FAT3: variants seen among roughly 807,000 people sequenced by gnomAD.
FAT3 encodes the protein protocadherin Fat 3.
In FAT3, 95 loss-of-function variants were observed where a neutral mutation model predicts 310.2. The observed-to-expected ratio is 0.31, with a 90% CI of 0.26 to 0.36. The LOEUF is 0.36. FAT3 is among the 10% of genes least tolerant of loss of function. The pLI is 1.00. For synonymous variants in FAT3, 2,314 were observed against 2,192.9 expected, an observed-to-expected ratio of 1.06 and a Z score of -1.54; for missense variants, 5,408 against 5,715.6, an observed-to-expected ratio of 0.95 and a Z score of 1.74.
At chr11:92,705,878 G>GTGGTGA (rs1944323555) in intron 4 of FAT3, among the ~76,000 whole-genome samples, 1 of 41,500 alleles carries the variant, frequency 2.4e-5, no homozygotes, top group Non-Finnish European at 5.4e-5. Context: ...TGTGATGGTG[G>GTGGTGA]TGGTGGTGGT....
intron 3 of FAT3, among the ~76,000 whole-genome samples, chr11:92,627,739 T>C (rs1941390248): frequency 6.6e-6 from 1 of 152,116 alleles, no homozygotes; most frequent in Non-Finnish European, 1.5e-5. Context: ...CAGGTTCCCT[T>C]GAAAGGCCCA....
chr11:92,750,777 G>A (rs1024659429), intron 4 of FAT3, among the ~76,000 whole-genome samples: 7 of 152,318 alleles, frequency 4.6e-5, no homozygotes, highest in African/African-American at 1.4e-4. Context: ...CAGGCATTCA[G>A]TTCAAGCCAA....
At chr11:92,496,703 T>C (rs1952777683) in intron 2 of FAT3, among the ~76,000 whole-genome samples, 1 of 151,988 alleles carries the variant, frequency 6.6e-6, no homozygotes, top group Admixed American at 6.6e-5. Context: ...TAATTCCTTG[T>C]TGGGTTGAAG....
intron 2 of FAT3, among the ~76,000 whole-genome samples, chr11:92,412,402 A>ATTTTTTTTTTTTTTTTTTTTT (rs780298367): frequency 9.9e-6 from 1 of 101,126 alleles, no homozygotes; most frequent in Non-Finnish European, 1.9e-5. Context: ...GACCCGGCCT[A>ATTTTTTTTTTTTTTTTTTTTT]TTTTTTTTTT....
At chr11:92,327,618 G>A (rs1460457581) in intron 1 of FAT3, among the ~76,000 whole-genome samples, 2 of 152,114 alleles carry the variant, frequency 1.3e-5, no homozygotes, top group Admixed American at 6.5e-5. Context: ...ATTGCTTGTG[G>A]CCCTTGAATG....
At chr11:92,845,581 CAG>C (rs1948664661) in intron 19 of FAT3, among the ~76,000 whole-genome samples, 1 of 152,164 alleles carries the variant, frequency 6.6e-6, no homozygotes, top group Non-Finnish European at 1.5e-5. Context: ...CATAGCTGCA[CAG>C]AGTCACATGC....
chr11:92,367,283 A>T, intron 2 of FAT3: 1 of 233,414 alleles, frequency 4.3e-6, no homozygotes, highest in African/African-American at 2.2e-5. Context: ...GCCAACTGGT[A>T]CAGATGATTA....
chr11:92,875,333 C>A (rs1173577113), intron 22 of FAT3, among the ~76,000 whole-genome samples: 2 of 149,228 alleles, frequency 1.3e-5, no homozygotes, highest in East Asian at 3.9e-4. Context: ...CAGTTTGCTG[C>A]TCTTTCTGAT....
chr11:92,597,679 T>C (rs1939781250), intron 3 of FAT3, among the ~76,000 whole-genome samples: 2 of 152,166 alleles, frequency 1.3e-5, no homozygotes, highest in South Asian at 4.1e-4. Flanking sequence ...TTACATATTA[T>C]TAATAACAGT....
At chr11:92,312,630 C>A (rs1245511780) in intron 1 of FAT3, among the ~76,000 whole-genome samples, 1 of 152,074 alleles carries the variant, frequency 6.6e-6, no homozygotes, top group Non-Finnish European at 1.5e-5. Context: ...TGGAGAGAAC[C>A]CAGCAAATTG....
chr11:92,472,818 C>G (rs1383049386), intron 2 of FAT3, among the ~76,000 whole-genome samples: 1 of 152,174 alleles, frequency 6.6e-6, no homozygotes, highest in Non-Finnish European at 1.5e-5. Flanking sequence ...CTTCTGGAGA[C>G]AGTAGGCAAT....
chr11:92,579,882 A>G (rs1938694252), intron 3 of FAT3, among the ~76,000 whole-genome samples: 1 of 152,114 alleles, frequency 6.6e-6, no homozygotes, highest in African/African-American at 2.4e-5. Flanking sequence ...AAATTATCAA[A>G]AGCTTATAAA....
At chr11:92,416,595 G>A (rs1950420441) in intron 2 of FAT3, among the ~76,000 whole-genome samples, 1 of 152,142 alleles carries the variant, frequency 6.6e-6, no homozygotes, top group Admixed American at 6.5e-5. Context: ...GAGCCACTTG[G>A]TTCAGATTAT....
chr11:92,370,967 A>G (rs1159694367), intron 2 of FAT3, among the ~76,000 whole-genome samples: 1 of 152,246 alleles, frequency 6.6e-6, no homozygotes, highest in Non-Finnish European at 1.5e-5. Flanking sequence ...GCACTAATAT[A>G]CATTAACTCT....
At chr11:92,409,428 G>T (rs149237818) in intron 2 of FAT3, among the ~76,000 whole-genome samples, 1 of 152,060 alleles carries the variant, frequency 6.6e-6, no homozygotes, top group African/African-American at 2.4e-5. Context: ...CGTTAAATAC[G>T]CTGCTTGTGC....
At chr11:92,437,212 C>T (rs979791480) in intron 2 of FAT3, among the ~76,000 whole-genome samples, 1 of 152,232 alleles carries the variant, frequency 6.6e-6, no homozygotes. Context: ...TGAAAAGCAA[C>T]ATGTGAAATA....
intron 2 of FAT3, among the ~76,000 whole-genome samples, chr11:92,431,234 T>C (rs568524578): frequency 9.6e-4 from 146 of 152,336 alleles, no homozygotes; most frequent in African/African-American, 3.4e-3. Flanking sequence ...CTCATTGTGG[T>C]TTTGATTTGC....
chr11:92,350,362 T>G (rs1178064908), intron 1 of FAT3, among the ~76,000 whole-genome samples: 1 of 152,026 alleles, frequency 6.6e-6, no homozygotes, highest in Non-Finnish European at 1.5e-5. Flanking sequence ...GGATTTTTTT[T>G]TTTTTCAGTT....
In FAT3 at chr11:92,225,580, C is replaced by T. The variant is rs539904100; in HGVS notation, c.-18+406C>T. Reference sequence around the variant, plus strand: ...AGCCTGCTTGGCAGCCGGTGCCTCTCGGGCGCAGTGGGGGATGTTCAGATG... The same window carrying T: ...AGCCTGCTTGGCAGCCGGTGCCTCTTGGGCGCAGTGGGGGATGTTCAGATG... On this transcript the variant is annotated intron_variant, in intron 1 of 27. Transcript: ENST00000525166. 1.1e-3 allele frequency among the ~76,000 whole-genome samples: 160 copies of T among 152,230 alleles called. 1 individual carries two copies. The highest frequency in any genetic ancestry group is 3.5e-3 in the African/African-American group (145 of 41,554).
Sources: gnomAD v4.1 joint callset for allele counts (sites outside exome capture counted in the v4.1 genomes callset) on GRCh38, gnomAD v4.1.1 for gene constraint, MANE v1.5 for transcripts, NCBI Gene and HGNC (gene_info 2026-07-23, HGNC 2026-07-21) for gene names.